Variants in CCSER1 observed in about 807,000 individuals in gnomAD.
The protein encoded by CCSER1 is serine-rich coiled-coil domain-containing protein 1.
In CCSER1, 41 loss-of-function variants were observed where a neutral mutation model predicts 82.0. The observed-to-expected ratio is 0.50, with a 90% CI of 0.39 to 0.65. The LOEUF is 0.65. Among genes scored for constraint, CCSER1 ranks in the 30% least tolerant of loss-of-function variants. The pLI, the probability that CCSER1 is intolerant of heterozygous loss-of-function variation, is 0.00. For missense variants in CCSER1, 1,119 were observed against 1,064.2 expected, an observed-to-expected ratio of 1.05 and a Z score of -0.72; for synonymous variants, 414 against 383.9, an observed-to-expected ratio of 1.08 and a Z score of -0.92.
At chr4:91,170,298 G>T (rs77886735) in intron 10 of CCSER1, among the ~76,000 whole-genome samples, 115 of 152,212 alleles carry the variant, frequency 7.6e-4, no homozygotes, top group Admixed American at 5.2e-3. Context: ...TAAATATGCA[G>T]CTACTCATAC....
At chr4:90,704,442 A>G (rs1738857023) in intron 6 of CCSER1, among the ~76,000 whole-genome samples, 1 of 152,114 alleles carries the variant, frequency 6.6e-6, no homozygotes, top group East Asian at 1.9e-4. Flanking sequence ...GAATCTGACA[A>G]TTATGTGGCT....
At chr4:90,814,444 T>C (rs1758741354) in intron 7 of CCSER1, among the ~76,000 whole-genome samples, 1 of 152,206 alleles carries the variant, frequency 6.6e-6, no homozygotes, top group Non-Finnish European at 1.5e-5. Context: ...TCTGCAGTCA[T>C]CTTGAATTTT....
chr4:91,409,870 A>T (rs1477041629), intron 10 of CCSER1, among the ~76,000 whole-genome samples: 1 of 152,058 alleles, frequency 6.6e-6, no homozygotes, highest in Admixed American at 6.6e-5. Flanking sequence ...TTTAGTAGAG[A>T]CAGGTTTTCA....
chr4:91,453,372 G>A (rs879497099), intron 10 of CCSER1, among the ~76,000 whole-genome samples: 1 of 151,854 alleles, frequency 6.6e-6, no homozygotes, highest in East Asian at 1.9e-4. Flanking sequence ...GAATTCTCCC[G>A]TCAGCCAGGT....
intron 5 of CCSER1, among the ~76,000 whole-genome samples, chr4:90,608,270 C>A (rs756857585): frequency 1.3e-5 from 2 of 152,092 alleles, no homozygotes; most frequent in Non-Finnish European, 2.9e-5. Flanking sequence ...ATCTGAGGTT[C>A]GTCACCCAAA....
chr4:91,467,884 A>T (rs1407785164), intron 10 of CCSER1, among the ~76,000 whole-genome samples: 1 of 152,228 alleles, frequency 6.6e-6, no homozygotes, highest in East Asian at 1.9e-4. Context: ...AGAAATAGGA[A>T]TGCTTTTACA....
chr4:91,049,085 T>G (rs1415524037), intron 9 of CCSER1, among the ~76,000 whole-genome samples: 1 of 152,154 alleles, frequency 6.6e-6, no homozygotes, highest in Non-Finnish European at 1.5e-5. Context: ...ACACCATAAT[T>G]GTTTTTCTTC....
chr4:90,943,729 A>ATTTTTTTTTTTTTTTTTTTTTT lies in CCSER1; in HGVS notation c.2172+20290_2172+20311dup, dbSNP rs70965460. The stretch of plus-strand genomic sequence containing the variant: ...AAACATGAGCCACTGTGCCAGGCTA[A>ATTTTTTTTTTTTTTTTTTTTTT]TTTTTTTTTTTTTTTTTTTTTTTTT... On this transcript the variant is annotated intron_variant, in intron 9 of 10. Transcript: ENST00000509176. Among the ~76,000 whole-genome samples the ATTTTTTTTTTTTTTTTTTTTTT allele has an allele frequency of 2.2e-4, 15 of 68,882 alleles. 1 individual carries two copies. The highest frequency in any genetic ancestry group is 5.2e-4 in the East Asian group (1 of 1,930). 45.2% of individuals were successfully genotyped at this position (68,882 alleles called of 152,430 possible).
intron 10 of CCSER1, among the ~76,000 whole-genome samples, chr4:91,526,686 C>A (rs894769008): frequency 2.0e-5 from 3 of 152,124 alleles, no homozygotes; most frequent in African/African-American, 7.2e-5. Flanking sequence ...CTCACTGCAA[C>A]CTCTGCCTCC....
At chr4:90,496,823 A>G (rs561860287) in intron 5 of CCSER1, among the ~76,000 whole-genome samples, 2 of 152,124 alleles carry the variant, frequency 1.3e-5, no homozygotes, top group African/African-American at 4.8e-5. Context: ...CTAAAAATAC[A>G]AAAATTAGCT....
intron 1 of CCSER1, among the ~76,000 whole-genome samples, chr4:90,229,341 C>T (rs2153426307): frequency 6.6e-6 from 1 of 152,222 alleles, no homozygotes; most frequent in East Asian, 1.9e-4. Flanking sequence ...AAAGAATTTT[C>T]AACCCAGAAT....
chr4:91,404,522 G>A (rs888188166), intron 10 of CCSER1, among the ~76,000 whole-genome samples: 1 of 152,030 alleles, frequency 6.6e-6, no homozygotes, highest in Non-Finnish European at 1.5e-5. Context: ...TGCTTCTCTT[G>A]TGGGCATTAA....
At chr4:90,475,644 C>G (rs1764974151) in intron 5 of CCSER1, among the ~76,000 whole-genome samples, 1 of 152,142 alleles carries the variant, frequency 6.6e-6, no homozygotes, top group African/African-American at 2.4e-5. Context: ...CGCTGGCCAG[C>G]TGTGAAAGCA....
intron 9 of CCSER1, among the ~76,000 whole-genome samples, chr4:91,036,230 A>G (rs1257824988): frequency 1.3e-5 from 2 of 152,230 alleles, no homozygotes; most frequent in Non-Finnish European, 2.9e-5. Flanking sequence ...AACATTGTTC[A>G]TAACAAACTT....
At chr4:91,312,584 G>T (rs1745560949) in intron 10 of CCSER1, among the ~76,000 whole-genome samples, 1 of 151,558 alleles carries the variant, frequency 6.6e-6, no homozygotes, top group Non-Finnish European at 1.5e-5. Context: ...GTGCCCTCAA[G>T]AAAAAAAGGC....
chr4:90,183,456 A>C (rs1010856931), intron 1 of CCSER1, among the ~76,000 whole-genome samples: 1 of 152,158 alleles, frequency 6.6e-6, no homozygotes, highest in Non-Finnish European at 1.5e-5. Flanking sequence ...ATAACAACTT[A>C]GTGAAGTTAC....
intron 10 of CCSER1, among the ~76,000 whole-genome samples, chr4:91,507,081 C>T (rs912136852): frequency 6.6e-6 from 1 of 152,058 alleles, no homozygotes; most frequent in Admixed American, 6.6e-5. Context: ...ATGAACGAAA[C>T]TTTTAATTAC....
intron 5 of CCSER1, among the ~76,000 whole-genome samples, chr4:90,517,045 G>A (rs1296007135): frequency 6.6e-6 from 1 of 152,082 alleles, no homozygotes; most frequent in African/African-American, 2.4e-5. Flanking sequence ...ATCCTAATTC[G>A]AAAATACATT....
At chr4:91,139,067 T>C (rs1728769330) in intron 10 of CCSER1, among the ~76,000 whole-genome samples, 1 of 152,166 alleles carries the variant, frequency 6.6e-6, no homozygotes. Context: ...TAGTGTCTGT[T>C]GTTGCCATCT....
Sources: allele counts gnomAD v4.1 joint callset (sites outside exome capture counted in the v4.1 genomes callset), GRCh38; gene constraint gnomAD v4.1.1; transcripts MANE v1.5; gene names NCBI Gene and HGNC (gene_info 2026-07-23, HGNC 2026-07-21).